SYNPR: variants seen among roughly 807,000 people sequenced by gnomAD.
SYNPR encodes the protein synaptoporin.
Under a neutral mutation model 32.9 loss-of-function variants are expected in SYNPR, and 23 were observed. The ratio of observed to expected loss-of-function variants is 0.70; its 90% CI spans 0.50 to 0.99. The LOEUF (loss-of-function observed/expected upper bound fraction) is 0.99. Ranked by LOEUF, SYNPR falls within the 50% of genes least tolerant of loss-of-function variation. The probability of loss-of-function intolerance (pLI) is 0.00; values close to 1 mark genes in which losing one functional copy is unlikely to be tolerated. For synonymous variants in SYNPR, 146 were observed against 135.9 expected, an observed-to-expected ratio of 1.07 and a Z score of -0.52; for missense variants, 318 against 349.3, an observed-to-expected ratio of 0.91 and a Z score of 0.71.
chr3:63,396,735 G>A (rs2088219011), intron 2 of SYNPR, among the ~76,000 whole-genome samples: 1 of 152,130 alleles, frequency 6.6e-6, no homozygotes, highest in African/African-American at 2.4e-5. Context: ...TTTATTTCCT[G>A]AGAGAACTCT....
intron 1 of SYNPR, among the ~76,000 whole-genome samples, chr3:63,247,652 C>A (rs1299645012): frequency 6.6e-6 from 1 of 152,118 alleles, no homozygotes; most frequent in East Asian, 1.9e-4. Flanking sequence ...CCAGCTCTAA[C>A]ACTTGGATGA....
intron 2 of SYNPR, among the ~76,000 whole-genome samples, chr3:63,382,679 C>G (rs1041265117): frequency 7.2e-5 from 11 of 152,120 alleles, no homozygotes; most frequent in African/African-American, 2.4e-4. Context: ...AGGTCCCTGG[C>G]CAATCTGCCT....
intron 2 of SYNPR, among the ~76,000 whole-genome samples, chr3:63,322,940 T>C (rs969150971): frequency 1.5e-4 from 23 of 152,158 alleles, no homozygotes; most frequent in African/African-American, 5.3e-4. Flanking sequence ...GACATTTTCT[T>C]AAGGGACAGG....
rs6772726 is a variant in SYNPR at position 63,480,706 on chromosome 3, G to T, written c.85-126G>T. The T allele has an allele frequency of 0.43, 533,456 of 1,238,950 alleles. 116,575 individuals are homozygous for T. The highest frequency in any genetic ancestry group is 0.48 in the East Asian group (19,532 of 40,450). The allele number at this position is 1,238,950 out of a possible 1,614,324, so 76.7% of individuals were successfully genotyped here. A position where few individuals can be genotyped will look rare whatever the true frequency, so the allele number is the denominator to read the frequency against. The stretch of plus-strand genomic sequence containing the variant: ...ACCTTCATCTTCCAGCTGAACCAAG[G>T]GCAATGCTCTTCTTCAGAAGGACCA... On this transcript the variant is annotated intron_variant, in intron 2 of 5. Coordinates refer to ENST00000478300, the MANE Select transcript of SYNPR (RefSeq NM_001130003.2).
At position 63,331,669 on chromosome 3, in the gene SYNPR, T is replaced by C. The variant is rs11915069; in HGVS notation, c.84+52927T>C. Among the ~76,000 whole-genome samples, 344 of 152,210 alleles carry C rather than the reference T, an allele frequency of 2.3e-3. 3 individuals are homozygous for C. Among genetic ancestry groups the C allele is most frequent in the African/African-American group, 7.7e-3 (319 of 41,534 alleles). On this transcript the variant is annotated intron_variant, in intron 2 of 5. Coordinates refer to ENST00000478300, the MANE Select transcript of SYNPR (RefSeq NM_001130003.2). Reference sequence around the variant, plus strand: ...TTACTTGAGGAACTTAAAAAAATTATTTACAGGATGTGAACCTGCTATTAG... The same window carrying C: ...TTACTTGAGGAACTTAAAAAAATTACTTACAGGATGTGAACCTGCTATTAG...
At chr3:63,598,880 TC>T (rs1388032333) in intron 4 of SYNPR, among the ~76,000 whole-genome samples, 1 of 152,206 alleles carries the variant, frequency 6.6e-6, no homozygotes, top group Non-Finnish European at 1.5e-5. Context: ...CCACACTATC[TC>T]TTTTAGACTG....
intron 4 of SYNPR, among the ~76,000 whole-genome samples, chr3:63,600,881 T>C (rs566024617): frequency 6.6e-6 from 1 of 152,326 alleles, no homozygotes; most frequent in South Asian, 2.1e-4. Context: ...AAAGGACTAA[T>C]ACAATGCCCA....
At chr3:63,536,328 A>G (rs1702207814) in intron 3 of SYNPR, among the ~76,000 whole-genome samples, 1 of 152,162 alleles carries the variant, frequency 6.6e-6, no homozygotes, top group African/African-American at 2.4e-5. Flanking sequence ...CATTCATCCA[A>G]GAAGATATAC....
chr3:63,542,826 A>G (rs1702331274), intron 3 of SYNPR, among the ~76,000 whole-genome samples: 1 of 152,090 alleles, frequency 6.6e-6, no homozygotes, highest in Non-Finnish European at 1.5e-5. Context: ...AGAAATACCT[A>G]TGTAAAATGG....
intron 2 of SYNPR, among the ~76,000 whole-genome samples, chr3:63,359,479 C>T (rs1047969553): frequency 1.3e-5 from 2 of 152,218 alleles, no homozygotes; most frequent in Admixed American, 1.3e-4. Flanking sequence ...AGCAAATTCT[C>T]TGTTACTTTG....
At position 63,609,217 on chromosome 3, in the gene SYNPR, T is replaced by A; in HGVS notation, c.501T>A (p.Asp167Glu). The A allele has an allele frequency of 6.2e-7, 1 of 1,609,938 alleles. No homozygotes were observed. The highest frequency in any genetic ancestry group is 1.3e-5 in the African/African-American group (1 of 74,998). Reference sequence around the variant, plus strand: ...TGTCTGACGTCAAAGTTGCAACGGATCCCAAGGAAGTATTGCTACTAATGT... The same window carrying A: ...TGTCTGACGTCAAAGTTGCAACGGAACCCAAGGAAGTATTGCTACTAATGT... ...KGLSDVKVAT[D>E]PKEVLLLMSA... The change falls in exon 5 of 6, where the codon GAT (aspartate) becomes GAA (glutamate). Residue 167 changes from aspartate (D) to glutamate (E), a missense_variant. Coordinates refer to ENST00000478300, the MANE Select transcript of SYNPR (RefSeq NM_001130003.2).
the SYNPR span, among the ~76,000 whole-genome samples, chr3:63,214,396 G>T: frequency 2.9e-5 from 1 of 34,904 alleles, no homozygotes; most frequent in Non-Finnish European, 6.7e-5. Flanking sequence ...GCCTGTTATT[G>T]GTCTATTCAG....
At chr3:63,381,528 T>G (rs1056475458) in intron 2 of SYNPR, among the ~76,000 whole-genome samples, 7 of 152,354 alleles carry the variant, frequency 4.6e-5, no homozygotes, top group Admixed American at 4.6e-4. Context: ...ACCAATGACT[T>G]TCTTCACAGA....
intron 2 of SYNPR, among the ~76,000 whole-genome samples, chr3:63,256,570 T>C (rs925453666): frequency 3.3e-5 from 5 of 152,094 alleles, no homozygotes; most frequent in Admixed American, 6.6e-5. Context: ...CCCATCTGTA[T>C]GTCACCATCA....
intron 3 of SYNPR, among the ~76,000 whole-genome samples, chr3:63,550,692 C>T (rs1311088761): frequency 6.6e-6 from 1 of 152,222 alleles, no homozygotes; most frequent in Non-Finnish European, 1.5e-5. Context: ...GCATTGGAGA[C>T]ATGCTGATCC....
intron 1 of SYNPR, among the ~76,000 whole-genome samples, chr3:63,240,125 T>C (rs1029493338): frequency 3.3e-5 from 5 of 152,124 alleles, no homozygotes; most frequent in Admixed American, 2.0e-4. Flanking sequence ...ATGAGTTTTG[T>C]TAGTTTTTGA....
chr3:63,401,961 A>G (rs2088298678), intron 2 of SYNPR, among the ~76,000 whole-genome samples: 1 of 152,184 alleles, frequency 6.6e-6, no homozygotes, highest in South Asian at 2.1e-4. Flanking sequence ...AGAGACACCT[A>G]GAGAACAAAG....
rs189629246 is a variant in SYNPR, at chr3:63,503,784, A to G, written c.209+22828A>G. Among the ~76,000 whole-genome samples the G allele has an allele frequency of 4.1e-3, 625 of 152,240 alleles. 12 individuals are homozygous for G. The highest frequency in any genetic ancestry group is 0.038 in the Admixed American group (582 of 15,264). ...AACTAACAAACTAACAAAATACCAA[A>G]TACACAACAAATAATGTTAGAATTA... On this transcript the variant is annotated intron_variant, in intron 3 of 5. Transcript: ENST00000478300.
chr3:63,380,405 C>T (rs1361493433), intron 2 of SYNPR, among the ~76,000 whole-genome samples: 1 of 152,164 alleles, frequency 6.6e-6, no homozygotes, highest in East Asian at 1.9e-4. Flanking sequence ...TGGTATCTCA[C>T]TGTGGTTTTG....
Sources: gnomAD v4.1 joint callset for allele counts (sites outside exome capture counted in the v4.1 genomes callset) on GRCh38, gnomAD v4.1.1 for gene constraint, MANE v1.5 for transcripts, NCBI Gene and HGNC (gene_info 2026-07-23, HGNC 2026-07-21) for gene names.